The following SH3D19 variants were observed in gnomAD, a reference collection of about 807,000 sequenced individuals.
SH3D19 encodes SH3 domain-containing protein 19.
Under a neutral mutation model 112.1 loss-of-function variants are expected in SH3D19, and 58 were observed. That is an observed-to-expected ratio of 0.52 (90% CI 0.42 to 0.64). SH3D19 has a LOEUF of 0.64. Among genes scored for constraint, SH3D19 ranks in the 30% least tolerant of loss-of-function variants. SH3D19 has a pLI of 0.00. For synonymous variants in SH3D19, 391 were observed against 448.5 expected (o/e 0.87, Z 1.62); for missense variants, 1,090 against 1,263.4 (o/e 0.86, Z 2.08).
chr4:151,192,118 T>C (rs1762765400), intron 2 of SH3D19, among the ~76,000 whole-genome samples: 1 of 151,292 alleles, frequency 6.6e-6, no homozygotes, highest in Non-Finnish European at 1.5e-5. Context: ...TTTGTATTTT[T>C]AGTAGAGATG....
chr4:151,189,214 C>T (rs370217549), intron 2 of SH3D19, among the ~76,000 whole-genome samples: 44 of 152,044 alleles, frequency 2.9e-4, no homozygotes, highest in African/African-American at 1.0e-3. Context: ...CCCGGGTTCA[C>T]ACCATTCTCC....
chr4:151,224,231 T>A (rs954550410), intron 2 of SH3D19, among the ~76,000 whole-genome samples: 4 of 151,728 alleles, frequency 2.6e-5, no homozygotes, highest in African/African-American at 9.7e-5. Context: ...ATGGCGTCAA[T>A]CCAGGAGGCG....
chr4:151,285,308 C>T (rs547645347), intron 1 of SH3D19, among the ~76,000 whole-genome samples: 8 of 152,258 alleles, frequency 5.3e-5, no homozygotes, highest in Non-Finnish European at 1.0e-4. Flanking sequence ...ATATACTTTC[C>T]TCTTAAGTGC....
chr4:151,144,301 C>T, intron 11 of SH3D19: 2 of 1,611,814 alleles, frequency 1.2e-6, no homozygotes, highest in African/African-American at 1.3e-5. Context: ...TAAACGTAAA[C>T]CAATAAAAGG....
chr4:151,318,950 T>C (rs1189952310), intron 1 of SH3D19, among the ~76,000 whole-genome samples: 1 of 152,228 alleles, frequency 6.6e-6, no homozygotes, highest in African/African-American at 2.4e-5. Context: ...TTCTATGGCA[T>C]AGTCTTTAAA....
In SH3D19 at chr4:151,165,985, C is replaced by T. The variant is rs140986219; in HGVS notation, c.1535-289G>A. The T allele has an allele frequency of 3.7e-4, 93 of 250,954 alleles. No individual in the cohort carries two copies. The East Asian group carries it at 8.2e-3, about 22-fold the overall frequency. The allele number at this position is 250,954 out of a possible 1,614,324, so 15.5% of individuals were successfully genotyped here. On this transcript the variant is annotated intron_variant, in intron 7 of 19. Coordinates refer to ENST00000604030, the MANE Select transcript of SH3D19 (RefSeq NM_001378122.1). ...TTCAGGGGAGTGTAATCATTTCATA[C>T]GTGTCTGCCTGAAAATGAGGGGCAA...
At chr4:151,213,560 G>A (rs771826268) in intron 2 of SH3D19, among the ~76,000 whole-genome samples, 1 of 152,070 alleles carries the variant, frequency 6.6e-6, no homozygotes, top group Non-Finnish European at 1.5e-5. Context: ...TGGGAAAACT[G>A]CTTGAGCCTA....
chr4:151,240,109 A>AT lies in SH3D19; in HGVS notation c.113-14024_113-14023insA, dbSNP rs1770439468. ...CGGAGATCCTATCGCTACCAAAAGA[A>AT]ATTTTTTTTAATTAGCTGGGCACAA... is the stretch of plus-strand genomic sequence containing the variant. On this transcript the variant is annotated intron_variant, in intron 1 of 19. Transcript: ENST00000604030. Among the ~76,000 whole-genome samples the AT allele has an allele frequency of 2.6e-4, 13 of 50,808 alleles. No individual in the cohort carries two copies. The Admixed American group carries it at 2.6e-3, about 10-fold the overall frequency. The allele number at this position is 50,808 out of a possible 152,430, so 33.3% of individuals were successfully genotyped here.
chr4:151,214,739 T>G (rs28445706), intron 2 of SH3D19, among the ~76,000 whole-genome samples: 1 of 49,280 alleles, frequency 2.0e-5, no homozygotes, highest in Admixed American at 2.1e-4. Flanking sequence ...ACCTCCCGGA[T>G]GGGGAGGCTG....
intron 11 of SH3D19, 110 bp downstream of exon 11, chr4:151,147,812 A>C (rs964710476): frequency 7.2e-6 from 10 of 1,396,798 alleles, no homozygotes; most frequent in Non-Finnish European, 9.7e-6. Flanking sequence ...TCTTGGCGTC[A>C]AGGGACAATT....
At chr4:151,206,788 A>C (rs1395336082) in intron 2 of SH3D19, among the ~76,000 whole-genome samples, 1 of 152,140 alleles carries the variant, frequency 6.6e-6, no homozygotes, top group East Asian at 1.9e-4. Context: ...GTGCAGCTGA[A>C]CTTTGGGCAG....
intron 1 of SH3D19, among the ~76,000 whole-genome samples, chr4:151,316,390 A>G (rs553768590): frequency 2.0e-5 from 3 of 152,306 alleles, no homozygotes; most frequent in African/African-American, 2.4e-5. Flanking sequence ...AAAAAAGGAC[A>G]CTAAGCAAAA....
At chr4:151,292,127 G>C (rs1775383529) in intron 1 of SH3D19, among the ~76,000 whole-genome samples, 1 of 152,090 alleles carries the variant, frequency 6.6e-6, no homozygotes, top group Non-Finnish European at 1.5e-5. Flanking sequence ...CACAGCCCCT[G>C]TCTCTACAAA....
intron 1 of SH3D19, among the ~76,000 whole-genome samples, chr4:151,270,801 C>T (rs1442736395): frequency 6.6e-6 from 1 of 152,178 alleles, no homozygotes; most frequent in East Asian, 1.9e-4. Context: ...CTAGCACTTA[C>T]TGATTTGTGA....
intron 1 of SH3D19, among the ~76,000 whole-genome samples, chr4:151,307,082 G>A (rs1182091880): frequency 2.7e-5 from 4 of 149,770 alleles, no homozygotes; most frequent in African/African-American, 9.8e-5. Flanking sequence ...GCAGTGGCGG[G>A]ATCTCGGCTC....
At chr4:151,197,143 G>C (rs370676591) in intron 2 of SH3D19, among the ~76,000 whole-genome samples, 1 of 152,228 alleles carries the variant, frequency 6.6e-6, no homozygotes, top group East Asian at 1.9e-4. Context: ...TCCCACTCCT[G>C]GGTATCTACC....
chr4:151,156,762 T>C (rs1756182687), intron 9 of SH3D19, among the ~76,000 whole-genome samples: 1 of 152,166 alleles, frequency 6.6e-6, no homozygotes, highest in African/African-American at 2.4e-5. Flanking sequence ...AAAAAGATTT[T>C]ATGAATAACA....
intron 17 of SH3D19, among the ~76,000 whole-genome samples, chr4:151,131,748 A>G (rs1348313427): frequency 6.6e-6 from 1 of 151,972 alleles, no homozygotes; most frequent in Non-Finnish European, 1.5e-5. Context: ...TCGGCTTCCC[A>G]AAGTGCTGGG....
chr4:151,222,635 T>C (rs533531931), intron 2 of SH3D19, among the ~76,000 whole-genome samples: 2 of 151,160 alleles, frequency 1.3e-5, no homozygotes, highest in South Asian at 4.2e-4. Flanking sequence ...ATATTAGATT[T>C]GGTTGTTAAT....
Sources: allele counts gnomAD v4.1 joint callset (sites outside exome capture counted in the v4.1 genomes callset), GRCh38; gene constraint gnomAD v4.1.1; transcripts MANE v1.5; gene names NCBI Gene and HGNC (gene_info 2026-07-23, HGNC 2026-07-21).